Variants in GALNT13 observed in about 807,000 individuals in gnomAD.
The protein encoded by GALNT13 is UDP-GalNAc:polypeptide N-acetylgalactosaminyltransferase 13.
In GALNT13, 28 loss-of-function variants were observed where a neutral mutation model predicts 64.2. The ratio of observed to expected loss-of-function variants is 0.44; its 90% CI spans 0.32 to 0.60. GALNT13 has a LOEUF of 0.60. GALNT13 is among the 20% of genes least tolerant of loss of function. GALNT13 has a pLI of 0.05. For synonymous variants in GALNT13, 214 were observed against 224.6 expected (o/e 0.95, Z 0.42); for missense variants, 577 against 669.8 (o/e 0.86, Z 1.53).
chr2:154,258,880 C>A, intron 7 of GALNT13, 141 bp from the exon 8 acceptor site: 11 of 493,752 alleles, frequency 2.2e-5, no homozygotes, highest in East Asian at 3.7e-5. Flanking sequence ...AATTTTAAAA[C>A]TTCTTACACC....
intron 2 of GALNT13, among the ~76,000 whole-genome samples, chr2:153,915,950 C>T (rs1689306165): frequency 6.6e-6 from 1 of 152,154 alleles, no homozygotes; most frequent in South Asian, 2.1e-4. Context: ...AGTGTTGTAG[C>T]TGCACACACA....
the GALNT13 span, among the ~76,000 whole-genome samples, chr2:153,863,007 T>A: frequency 2.0e-5 from 3 of 152,268 alleles, no homozygotes; most frequent in East Asian, 5.8e-4. Context: ...CCTCTTCACA[T>A]CAATTTGGCC....
intron 3 of GALNT13, among the ~76,000 whole-genome samples, chr2:153,992,125 C>G (rs946216943): frequency 2.6e-5 from 4 of 152,064 alleles, no homozygotes; most frequent in African/African-American, 9.7e-5. Context: ...TAGTGACTTA[C>G]CATTGTTATG....
intron 10 of GALNT13, among the ~76,000 whole-genome samples, chr2:154,405,802 G>A (rs1699508401): frequency 6.6e-6 from 1 of 151,994 alleles, no homozygotes; most frequent in Admixed American, 6.6e-5. Context: ...ACATCCCTGC[G>A]AGAGTGATCC....
At chr2:153,602,186 C>T in the GALNT13 span, among the ~76,000 whole-genome samples, 1 of 151,772 alleles carries the variant, frequency 6.6e-6, no homozygotes, top group Non-Finnish European at 1.5e-5. Flanking sequence ...CTTTATGTTT[C>T]CAGTCTTAGA....
chr2:153,244,337 AT>A, the GALNT13 span, among the ~76,000 whole-genome samples: 9 of 136,892 alleles, frequency 6.6e-5, no homozygotes, highest in Non-Finnish European at 1.7e-5. Flanking sequence ...AAATCAAATT[AT>A]AAATTGTGTT....
At chr2:153,086,315 G>T in the GALNT13 span, among the ~76,000 whole-genome samples, 1 of 152,254 alleles carries the variant, frequency 6.6e-6, no homozygotes, top group African/African-American at 2.4e-5. Flanking sequence ...TTTGAAATGT[G>T]AAGACATGAG....
At chr2:153,674,824 A>C in the GALNT13 span, among the ~76,000 whole-genome samples, 1 of 152,186 alleles carries the variant, frequency 6.6e-6, no homozygotes, top group African/African-American at 2.4e-5. Flanking sequence ...TTATATCCAT[A>C]ATCTACAAAA....
the GALNT13 span, among the ~76,000 whole-genome samples, chr2:153,601,251 A>G: frequency 4.6e-5 from 7 of 151,720 alleles, no homozygotes; most frequent in African/African-American, 1.7e-4. Context: ...CTCCTTAATC[A>G]TTGATGAGTT....
the GALNT13 span, among the ~76,000 whole-genome samples, chr2:153,219,056 G>T: frequency 1.3e-5 from 2 of 152,160 alleles, no homozygotes; most frequent in South Asian, 2.1e-4. Flanking sequence ...CAGAATAGTT[G>T]CACTTTCAAT....
chr2:153,977,010 T>C (rs1175267858), intron 3 of GALNT13, among the ~76,000 whole-genome samples: 1 of 152,136 alleles, frequency 6.6e-6, no homozygotes, highest in Non-Finnish European at 1.5e-5. Flanking sequence ...TAAATCATTT[T>C]ATCTTTAAGT....
At chr2:154,201,695 A>G (rs1037731882) in intron 4 of GALNT13, among the ~76,000 whole-genome samples, 1 of 152,040 alleles carries the variant, frequency 6.6e-6, no homozygotes, top group African/African-American at 2.4e-5. Flanking sequence ...CTTTATCTTC[A>G]TTTTGTTTTG....
At chr2:153,544,334 C>G in the GALNT13 span, among the ~76,000 whole-genome samples, 1 of 152,142 alleles carries the variant, frequency 6.6e-6, no homozygotes, top group Admixed American at 6.5e-5. Flanking sequence ...AACTTTCTTC[C>G]GTTGCTTCTT....
At chr2:153,611,853 C>G in the GALNT13 span, among the ~76,000 whole-genome samples, 1 of 151,840 alleles carries the variant, frequency 6.6e-6, no homozygotes, top group East Asian at 1.9e-4. Context: ...CTCTCCCTCC[C>G]CTTGTCCCCC....
the GALNT13 span, among the ~76,000 whole-genome samples, chr2:153,264,055 G>A: frequency 0.83 from 126,490 of 152,158 alleles, 53,819 homozygotes; most frequent in African/African-American, 0.93. Flanking sequence ...CCATCTGACA[G>A]AGGTCTAATA....
the GALNT13 span, among the ~76,000 whole-genome samples, chr2:153,253,707 T>A: frequency 0.032 from 4,780 of 151,000 alleles, 112 homozygotes; most frequent in Non-Finnish European, 0.047. Context: ...AAAGGCCTTT[T>A]CTGCATCTAT....
At chr2:154,229,854 A>G (rs1338879289) in intron 4 of GALNT13, among the ~76,000 whole-genome samples, 2 of 152,138 alleles carry the variant, frequency 1.3e-5, no homozygotes, top group East Asian at 3.9e-4. Context: ...GCTGATCCAG[A>G]TCCTGTGAAG....
chr2:154,368,808 C>T (rs956329842), intron 9 of GALNT13, among the ~76,000 whole-genome samples: 3 of 152,112 alleles, frequency 2.0e-5, no homozygotes, highest in Non-Finnish European at 2.9e-5. Context: ...GACATCCTCC[C>T]GAATTCTTCA....
the GALNT13 span, among the ~76,000 whole-genome samples, chr2:153,518,815 A>C: frequency 6.6e-6 from 1 of 152,118 alleles, no homozygotes; most frequent in South Asian, 2.1e-4. Context: ...TATCAGTCCC[A>C]GAGATGGAAA....
Sources: gnomAD v4.1 joint callset for allele counts (sites outside exome capture counted in the v4.1 genomes callset) on GRCh38, gnomAD v4.1.1 for gene constraint, MANE v1.5 for transcripts, NCBI Gene and HGNC (gene_info 2026-07-23, HGNC 2026-07-21) for gene names.